GGT1: variants seen among roughly 807,000 people sequenced by gnomAD.
The protein encoded by GGT1 is gamma-glutamyltransferase 1.
A neutral mutation model predicts 56.0 loss-of-function variants in GGT1; 21 were observed. That is an observed-to-expected ratio of 0.38 (90% CI 0.27 to 0.54). GGT1 has a LOEUF of 0.54. Among genes scored for constraint, GGT1 ranks in the 20% least tolerant of loss-of-function variants. The pLI is 0.82. For synonymous variants in GGT1, 238 were observed against 342.6 expected, an observed-to-expected ratio of 0.69 and a Z score of 3.37; for missense variants, 466 against 787.0, an observed-to-expected ratio of 0.59 and a Z score of 4.88.
chr22:24,592,329 A>T (rs2147175132), upstream of GGT1: 1 of 470,200 alleles, frequency 2.1e-6, no homozygotes, highest in East Asian at 7.0e-5. Context: ...TGATGCATGG[A>T]TGGCTCTCTG....
intron 2 of GGT1, chr22:24,609,759 A>G (rs4049904): frequency 0.016 from 4,739 of 295,910 alleles, 204 homozygotes; most frequent in African/African-American, 0.096. Context: ...ACCTGCTGCC[A>G]TAGCCATGAG....
intron 2 of GGT1, chr22:24,609,165 G>A (rs2046505877): frequency 6.6e-6 from 1 of 152,206 alleles, no homozygotes; most frequent in Non-Finnish European, 1.5e-5. Flanking sequence ...GCAGGGAGGA[G>A]GCAGGGCCTG....
At position 24,627,876 on chromosome 22, in the gene GGT1, G is replaced by A. The variant is rs774765565; in HGVS notation, c.1233G>A (p.Pro411=). The A allele has an allele frequency of 2.0e-5, 33 of 1,613,826 alleles. No individual in the cohort carries two copies. The highest frequency in any genetic ancestry group is 1.5e-4 in the South Asian group (14 of 91,058). Residue 411 remains proline, a synonymous_variant, in exon 13 of 16, where the codon CCG becomes CCA. Coordinates refer to ENST00000400382, the MANE Select transcript of GGT1 (RefSeq NM_001288833.2). The part of the protein sequence containing the change: ...NLYFGSKVRS[P]VSGILFNNEM... Reference sequence around the variant, plus strand: ...GCTTTGGCTCCAAGGTCCGCTCCCCGGTCAGCGGGATCCTGTTCAATAATG... The same window carrying A: ...GCTTTGGCTCCAAGGTCCGCTCCCCAGTCAGCGGGATCCTGTTCAATAATG...
intron 1 of GGT1, among the ~76,000 whole-genome samples, chr22:24,597,650 C>T (rs2045717449): frequency 6.9e-6 from 1 of 145,144 alleles, no homozygotes; most frequent in South Asian, 2.3e-4. Flanking sequence ...CACGGCATTC[C>T]AGCCTGGGTG....
chr22:24,594,781 G>T (rs938140810), upstream of GGT1: 4 of 152,348 alleles, frequency 2.6e-5, no homozygotes, highest in African/African-American at 9.7e-5. Context: ...CAGGGCCAAG[G>T]CGCTGTTGCT....
Position 24,628,327 on chromosome 22 carries a change from A to G in GGT1, c.1502A>G (p.Glu501Gly). 1 of 1,611,610 alleles carries G rather than the reference A, an allele frequency of 6.2e-7. No homozygotes were observed. Among genetic ancestry groups the G allele is most frequent in the Non-Finnish European group, 8.5e-7 (1 of 1,179,812 alleles). The change falls in exon 15 of 16, where the codon GAG (glutamate) becomes GGG (glycine). Residue 501 changes from glutamate to glycine, a missense_variant. Glu to Gly is a moderately conservative substitution (Grantham distance 98, BLOSUM62 -2). Around this residue, in one of 2 missense-constraint regions of GGT1, gnomAD observed 456 missense variants for 716.7 expected, o/e 0.64. Transcript: ENST00000400382. The surrounding 1 kb of genome is among the most constrained non-coding windows in gnomAD (Gnocchi z 5.7). ...TATGACGTGAAGCGGGCCGTGGAGGAGCCCCGGCTGCACAACCAGCTTCTG... is the reference window on the plus strand; with the variant it reads ...TATGACGTGAAGCGGGCCGTGGAGGGGCCCCGGCTGCACAACCAGCTTCTG... Reference protein sequence around the residue: ...FGYDVKRAVEEPRLHNQLLPN... With the variant: ...FGYDVKRAVEGPRLHNQLLPN...
At chr22:24,614,348 CAAAAAA>C (rs534749815) in intron 5 of GGT1, among the ~76,000 whole-genome samples, 11 of 10,744 alleles carry the variant, frequency 1.0e-3, no homozygotes, top group East Asian at 2.5e-3. Flanking sequence ...GACTTTGTCT[CAAAAAA>C]AAAAAAAAAA....
At chr22:24,591,833 C>T (rs141022485), upstream of GGT1, among the ~76,000 whole-genome samples, 1,626 of 152,330 alleles carry the variant, frequency 0.011, 26 homozygotes, top group African/African-American at 0.037. Flanking sequence ...GGCCCCAGAC[C>T]GCAACCTGCC....
chr22:24,610,972 G>A (rs2046617598), intron 4 of GGT1, 103 bp from the exon 5 acceptor site: 2 of 983,736 alleles, frequency 2.0e-6, no homozygotes, highest in African/African-American at 3.2e-5. Context: ...GGAGACACAG[G>A]CCTTGTGTTT....
chr22:24,611,005 G>A, intron 4 of GGT1, 70 bp from the exon 5 acceptor site: 3 of 1,403,662 alleles, frequency 2.1e-6, no homozygotes, highest in Non-Finnish European at 3.0e-6. Flanking sequence ...TTTAGACTGT[G>A]CCCTGTTGGG....
chr22:24,593,144 C>A, upstream of GGT1: 1 of 992,886 alleles, frequency 1.0e-6, no homozygotes, highest in Non-Finnish European at 1.2e-6. Context: ...CGGCCCTGCC[C>A]CGTCCGGGTC....
chr22:24,592,610 C>G (rs2147176859), upstream of GGT1: 1 of 530,316 alleles, frequency 1.9e-6, no homozygotes, highest in East Asian at 4.0e-5. Flanking sequence ...ACACACTCAG[C>G]AGCCCCCTCC....
chr22:24,628,630 A>G lies in GGT1; in HGVS notation c.1564-63A>G, dbSNP rs1170047276. The G allele has an allele frequency of 6.2e-7, 1 of 1,610,838 alleles. No homozygotes were observed. The highest frequency in any genetic ancestry group is 1.7e-5 in the Admixed American group (1 of 59,996). On this transcript the variant is annotated intron_variant, in intron 15 of 15. Coordinates refer to ENST00000400382, the MANE Select transcript of GGT1 (RefSeq NM_001288833.2). This position sits in a 1 kb window ranked among gnomAD's most constrained non-coding sequence, Gnocchi z 5.7. ...CACCTGGGCTGAGGCCTGTGACCAC[A>G]CAGATGTGGTTCAGGTGGCATCTGG...
chr22:24,600,546 C>T (rs1170536252), upstream of GGT1, among the ~76,000 whole-genome samples: 1 of 152,232 alleles, frequency 6.6e-6, no homozygotes, highest in Non-Finnish European at 1.5e-5. Flanking sequence ...AGTCTGTGTC[C>T]TGACATCACA....
intron 1 of GGT1, among the ~76,000 whole-genome samples, chr22:24,605,533 TTA>T (rs1176668327): frequency 7.7e-5 from 3 of 38,868 alleles, no homozygotes; most frequent in Non-Finnish European, 1.2e-4. Context: ...TTATATAATA[TTA>T]TATAATGTGT....
chr22:24,589,607 G>C, the GGT1 span: 1 of 600,788 alleles, frequency 1.7e-6, no homozygotes, highest in East Asian at 3.4e-5. Flanking sequence ...CCAGGACTCT[G>C]AGGGTCCTGC....
chr22:24,619,539 A>C (rs1166760932), intron 7 of GGT1, among the ~76,000 whole-genome samples: 1 of 152,038 alleles, frequency 6.6e-6, no homozygotes, highest in Non-Finnish European at 1.5e-5. Context: ...ACTGCACTCC[A>C]GCTGGGACAA....
At chr22:24,621,664 T>G (rs2047418119) in intron 9 of GGT1, among the ~76,000 whole-genome samples, 1 of 152,176 alleles carries the variant, frequency 6.6e-6, no homozygotes, top group African/African-American at 2.4e-5. Context: ...TGGAGCTGAC[T>G]CCAGGAGAAT....
chr22:24,614,906 C>A lies in GGT1; in HGVS notation c.295C>A (p.Arg99=), dbSNP rs753103118. The change falls in exon 6 of 16, where the codon CGA becomes AGA. Residue 99 remains arginine, a splice_region_variant and synonymous_variant. Transcript: ENST00000400382. ...LFLTIYNSTT[R]KAEVINAREV... is the part of the protein sequence containing the mutation. ...CCTCACCATCTACAACAGCACCACA[C>A]GTGAGTGCCTCGGGAGAGGAGAGGG... The A allele has an allele frequency of 6.2e-7, 1 of 1,600,350 alleles. No individual in the cohort carries two copies. The highest frequency in any genetic ancestry group is 1.1e-5 in the South Asian group (1 of 90,690).
Sources: allele counts gnomAD v4.1 joint callset (sites outside exome capture counted in the v4.1 genomes callset), GRCh38; gene constraint gnomAD v4.1.1; regional missense constraint gnomAD v4.1.1; non-coding constraint Gnocchi (gnomAD v3.1); transcripts MANE v1.5; gene names NCBI Gene and HGNC (gene_info 2026-07-23, HGNC 2026-07-21).